Variants in FAAH2 observed in about 807,000 individuals in gnomAD.
FAAH2 encodes fatty-acid amide hydrolase 2.
FAAH2 carries 60 observed loss-of-function variants against 36.9 expected under a neutral mutation model. That is an observed-to-expected ratio of 1.63 (90% CI 1.32 to 2.02). The LOEUF (loss-of-function observed/expected upper bound fraction) is 2.02, where lower values mean the gene tolerates loss of function less well. FAAH2 is among the 30% of genes most tolerant of loss of function. The pLI is 0.00. For synonymous variants in FAAH2, 214 were observed against 143.8 expected (o/e 1.49, Z -3.49); for missense variants, 689 against 397.5 (o/e 1.73, Z -6.23).
At chrX:57,212,596 T>C in the FAAH2 span, among the ~76,000 whole-genome samples, 1 of 112,891 alleles carries the variant, frequency 8.9e-6, no homozygotes, top group Admixed American at 9.3e-5. Flanking sequence ...TCTTCAATAA[T>C]AGACTACACT....
intron 2 of FAAH2, among the ~76,000 whole-genome samples, chrX:57,300,430 T>C (rs1308957534): frequency 8.9e-6 from 1 of 111,962 alleles, no homozygotes; most frequent in Non-Finnish European, 1.9e-5. Flanking sequence ...AATTGGATCC[T>C]TTCCTTACAC....
In FAAH2 at chrX:57,489,124, T is replaced by C. The variant is rs2057527315; in HGVS notation, c.*192T>C. On this transcript the variant is annotated 3_prime_UTR_variant, in exon 11 of 11. Coordinates refer to ENST00000374900, the MANE Select transcript of FAAH2 (RefSeq NM_174912.4). The stretch of plus-strand genomic sequence containing the variant: ...TCTTACTAAAATGGTAATATTTGCT[T>C]CTTGCTTTTATGTTACTGGAAAATT... 2.2e-6 allele frequency: 1 copy of C among 446,951 alleles called. No homozygotes were observed. Among genetic ancestry groups the C allele is most frequent in the African/African-American group, 2.5e-5 (1 of 39,877 alleles). 36.8% of individuals were successfully genotyped at this position (446,951 alleles called of 1,213,427 possible). A position where few individuals can be genotyped will look rare whatever the true frequency, so the allele number is the denominator to read the frequency against.
chrX:57,307,836 T>C (rs1269205112), intron 2 of FAAH2, among the ~76,000 whole-genome samples: 1 of 110,817 alleles, frequency 9.0e-6, no homozygotes, highest in African/African-American at 3.3e-5. Flanking sequence ...GCTATCTTTA[T>C]GGCCGTGAGC....
At chrX:57,356,981 T>G (rs1420007110) in intron 5 of FAAH2, among the ~76,000 whole-genome samples, 1 of 110,867 alleles carries the variant, frequency 9.0e-6, no homozygotes, top group Non-Finnish European at 1.9e-5. Context: ...GATGTTCCTC[T>G]CACTGTGTCC....
intron 7 of FAAH2, among the ~76,000 whole-genome samples, chrX:57,403,240 T>C (rs1406508450): frequency 1.8e-5 from 2 of 112,330 alleles, no homozygotes; most frequent in East Asian, 5.6e-4. Flanking sequence ...CCCCTAGTAA[T>C]TTTCCAATGG....
At chrX:57,162,098 T>C in the FAAH2 span, among the ~76,000 whole-genome samples, 1 of 111,528 alleles carries the variant, frequency 9.0e-6, no homozygotes, top group Non-Finnish European at 1.9e-5. Flanking sequence ...TGTAAAATAT[T>C]TTATTTCTCC....
At chrX:57,295,838 C>A (rs750923644) in intron 2 of FAAH2, among the ~76,000 whole-genome samples, 1 of 112,482 alleles carries the variant, frequency 8.9e-6, no homozygotes, top group Non-Finnish European at 1.9e-5. Context: ...GGGTCCTACG[C>A]CCACGGAGCC....
At chrX:57,302,001 T>A (rs893186803) in intron 2 of FAAH2, among the ~76,000 whole-genome samples, 2 of 112,424 alleles carry the variant, frequency 1.8e-5, no homozygotes, top group African/African-American at 6.5e-5. Context: ...TTCACTGTTT[T>A]TCTTGCTTGC....
intron 5 of FAAH2, among the ~76,000 whole-genome samples, chrX:57,341,618 T>G (rs1464783762): frequency 9.0e-6 from 1 of 110,620 alleles, no homozygotes; most frequent in Non-Finnish European, 1.9e-5. Context: ...AATAGTTGTT[T>G]TTTTTTTTTT....
At chrX:57,244,436 C>T in the FAAH2 span, among the ~76,000 whole-genome samples, 29 of 111,128 alleles carry the variant, frequency 2.6e-4, no homozygotes, top group African/African-American at 8.5e-4. Flanking sequence ...CCCCAAGGCA[C>T]ATAATCGTCA....
chrX:57,177,654 AAAG>A, the FAAH2 span, among the ~76,000 whole-genome samples: 1 of 96,723 alleles, frequency 1.0e-5, no homozygotes, highest in African/African-American at 3.8e-5. Context: ...AAAAAAAAAA[AAAG>A]AAGAAAGTCT....
chrX:57,273,262 G>A, the FAAH2 span, among the ~76,000 whole-genome samples: 4 of 111,415 alleles, frequency 3.6e-5, no homozygotes, highest in South Asian at 3.8e-4. Flanking sequence ...TATTAATAAA[G>A]CAAGTTTTTA....
At chrX:57,440,830 A>G (rs2147148156) in intron 8 of FAAH2, among the ~76,000 whole-genome samples, 1 of 111,620 alleles carries the variant, frequency 9.0e-6, no homozygotes, top group East Asian at 2.8e-4. Flanking sequence ...GAATTTTGTC[A>G]ATGGCCTTTT....
chrX:57,201,207 G>A, the FAAH2 span, among the ~76,000 whole-genome samples: 34 of 110,487 alleles, frequency 3.1e-4, no homozygotes, highest in Non-Finnish European at 6.4e-4. Flanking sequence ...TGGAACACAA[G>A]GTCAGGAGTT....
intron 7 of FAAH2, among the ~76,000 whole-genome samples, chrX:57,402,136 G>A (rs1308472028): frequency 8.9e-6 from 1 of 111,794 alleles, no homozygotes; most frequent in Non-Finnish European, 1.9e-5. Flanking sequence ...GCATTGGCTG[G>A]CTCTTGCCCA....
chrX:57,384,131 C>T (rs1200716957), intron 7 of FAAH2, among the ~76,000 whole-genome samples: 2 of 109,388 alleles, frequency 1.8e-5, no homozygotes, highest in Non-Finnish European at 3.8e-5. Context: ...ATGTAGAAAG[C>T]TGAAACTGGA....
the FAAH2 span, among the ~76,000 whole-genome samples, chrX:57,235,106 T>C: frequency 9.0e-6 from 1 of 110,694 alleles, no homozygotes; most frequent in Non-Finnish European, 1.9e-5. Flanking sequence ...AATCCAGGTG[T>C]GTAGCAGTGG....
the FAAH2 span, chrX:57,121,997 C>T: frequency 5.4e-5 from 6 of 111,978 alleles, no homozygotes; most frequent in Non-Finnish European, 1.1e-4. Context: ...CCAGTCTCTA[C>T]CTAATTTTTG....
the FAAH2 span, among the ~76,000 whole-genome samples, chrX:57,262,038 A>T: frequency 3.8e-5 from 4 of 104,969 alleles, no homozygotes; most frequent in Admixed American, 1.0e-4. Flanking sequence ...ATAATATAGG[A>T]TATGACATTT....
Sources: allele counts gnomAD v4.1 joint callset (sites outside exome capture counted in the v4.1 genomes callset), GRCh38; gene constraint gnomAD v4.1.1; transcripts MANE v1.5; gene names NCBI Gene and HGNC (gene_info 2026-07-23, HGNC 2026-07-21).